PTPRB: variants seen among roughly 807,000 people sequenced by gnomAD.
The protein encoded by PTPRB is protein tyrosine phosphatase receptor type B, also known as receptor-type tyrosine-protein phosphatase beta.
Under a neutral mutation model 238.1 loss-of-function variants are expected in PTPRB, and 97 were observed. The ratio of observed to expected loss-of-function variants is 0.41; its 90% confidence interval spans 0.35 to 0.48. The LOEUF is 0.48. Ranked by LOEUF, PTPRB falls within the 20% of genes least tolerant of loss-of-function variation. The probability of loss-of-function intolerance (pLI) is 0.30; values close to 1 mark genes in which losing one functional copy is unlikely to be tolerated. For synonymous variants in PTPRB, 970 were observed against 995.4 expected, an observed-to-expected ratio of 0.97 and a Z score of 0.48; for missense variants, 2,292 against 2,681.9, an observed-to-expected ratio of 0.85 and a Z score of 3.21.
chr12:70,572,166 T>A, intron 11 of PTPRB, 79 bp from the exon 12 acceptor site: 1 of 1,363,346 alleles, frequency 7.3e-7, no homozygotes, highest in Admixed American at 2.2e-5. Flanking sequence ...GCTGGGACAA[T>A]AAAAAGAGAG....
intron 9 of PTPRB, among the ~76,000 whole-genome samples, chr12:70,582,268 G>A (rs573603148): frequency 1.7e-4 from 26 of 151,906 alleles, no homozygotes; most frequent in African/African-American, 4.8e-4. Context: ...ATACAAAAGC[G>A]TTCATTAAAA....
intron 20 of PTPRB, among the ~76,000 whole-genome samples, chr12:70,553,518 T>A (rs915281045): frequency 1.8e-4 from 28 of 152,206 alleles, no homozygotes; most frequent in Non-Finnish European, 7.3e-5. Flanking sequence ...TTGCTCTGCA[T>A]GTGGATCTGT....
chr12:70,549,467 A>T (rs1245594218), intron 21 of PTPRB, among the ~76,000 whole-genome samples: 1 of 152,196 alleles, frequency 6.6e-6, no homozygotes, highest in African/African-American at 2.4e-5. Flanking sequence ...AATAAAACAT[A>T]TGAATCATAG....
intron 4 of PTPRB, among the ~76,000 whole-genome samples, chr12:70,604,804 G>C (rs1883807787): frequency 6.6e-6 from 1 of 152,154 alleles, no homozygotes; most frequent in African/African-American, 2.4e-5. Context: ...AACAGAAACA[G>C]AGGTACCACT....
intron 2 of PTPRB, among the ~76,000 whole-genome samples, chr12:70,626,516 T>C (rs1289383949): frequency 6.6e-6 from 1 of 151,852 alleles, no homozygotes; most frequent in Non-Finnish European, 1.5e-5. Flanking sequence ...AAATGGATGG[T>C]TGCATCTGTA....
chr12:70,558,517 A>G (rs564762534), intron 18 of PTPRB, among the ~76,000 whole-genome samples: 3 of 152,346 alleles, frequency 2.0e-5, no homozygotes, highest in African/African-American at 7.2e-5. Flanking sequence ...TAAAGTCCCT[A>G]CACTGAATAC....
At chr12:70,557,258 T>C (rs1877828414) in intron 18 of PTPRB, among the ~76,000 whole-genome samples, 1 of 152,210 alleles carries the variant, frequency 6.6e-6, no homozygotes, top group African/African-American at 2.4e-5. Context: ...GAAGCATATT[T>C]GTGAGAAATT....
rs568129992 is a variant in PTPRB, at chr12:70,516,678, A to G, written c.*4811T>C. The G allele has an allele frequency of 2.0e-5, 3 of 152,294 alleles. No homozygotes were observed. The highest frequency in any genetic ancestry group is 4.1e-4 in the South Asian group (2 of 4,826). 9.4% of individuals were successfully genotyped at this position (152,294 alleles called of 1,614,324 possible). A position where few individuals can be genotyped will look rare whatever the true frequency, so the allele number is the denominator to read the frequency against. On this transcript the variant is annotated 3_prime_UTR_variant, in exon 34 of 34. Transcript: ENST00000334414. ...TTATTTATTAAAATAGCTATAACCA[A>G]TTCTTTTTGTGACTGTTCTAGAAGG... is the stretch of plus-strand genomic sequence containing the variant.
In PTPRB at chr12:70,569,847, A is replaced by G; in HGVS notation, c.3462T>C (p.Asp1154=). ...VNWTPGGGDV[D]SYTVSAFRHS... is the part of the protein sequence containing the mutation. ...GCCTGAATGCCGACACCGTGTAGGAATCAACGTCTCCCCCACCAGGAGTCC... is the reference window on the plus strand; with the variant it reads ...GCCTGAATGCCGACACCGTGTAGGAGTCAACGTCTCCCCCACCAGGAGTCC... The change falls in exon 14 of 34, where the codon GAT becomes GAC. Residue 1154 remains aspartate, a synonymous_variant. Coordinates refer to ENST00000334414, the MANE Select transcript of PTPRB (RefSeq NM_001109754.4). 6.2e-7 allele frequency: 1 copy of G among 1,614,018 alleles called. No individual in the cohort carries two copies. Among genetic ancestry groups the G allele is most frequent in the East Asian group, 2.2e-5 (1 of 44,876 alleles).
chr12:70,597,281 C>T (rs1377942656), intron 4 of PTPRB, among the ~76,000 whole-genome samples: 6 of 152,116 alleles, frequency 3.9e-5, no homozygotes, highest in African/African-American at 1.4e-4. Context: ...TGCCAGAGCA[C>T]CCAGAGTAAG....
chr12:70,585,781 T>C, intron 9 of PTPRB, among the ~76,000 whole-genome samples: 1 of 152,064 alleles, frequency 6.6e-6, no homozygotes, highest in Middle Eastern at 3.2e-3. Context: ...TGTCTCCTAA[T>C]GCTATCCCTC....
At chr12:70,561,678 ATAT>A (rs760104045) in intron 16 of PTPRB, among the ~76,000 whole-genome samples, 3 of 152,160 alleles carry the variant, frequency 2.0e-5, no homozygotes, top group Non-Finnish European at 2.9e-5. Flanking sequence ...TGCCCTTGGA[ATAT>A]GTTCCCACGT....
intron 1 of PTPRB, 59 bp downstream of exon 1, chr12:70,637,282 G>C: frequency 6.8e-7 from 1 of 1,474,866 alleles, no homozygotes; most frequent in Non-Finnish European, 9.3e-7. Context: ...TCAAAGACCA[G>C]GGACTCCTTG....
intron 3 of PTPRB, 116 bp from the exon 4 acceptor site, chr12:70,609,455 T>G: frequency 7.4e-7 from 1 of 1,355,486 alleles, no homozygotes; most frequent in East Asian, 2.3e-5. Flanking sequence ...GTCCCTTGCC[T>G]CAGCCAGTCC....
At chr12:70,592,658 A>G in intron 6 of PTPRB, 113 bp from the exon 7 acceptor site, 1 of 1,156,274 alleles carries the variant, frequency 8.6e-7, no homozygotes, top group Non-Finnish European at 1.2e-6. Context: ...GCTCTGGAGA[A>G]AACAAGCACT....
chr12:70,564,308 T>G, intron 15 of PTPRB, among the ~76,000 whole-genome samples: 1 of 149,488 alleles, frequency 6.7e-6, no homozygotes, highest in East Asian at 2.0e-4. Flanking sequence ...GGTCAGGAGT[T>G]CAAGACCAGC....
chr12:70,541,078 T>C (rs1262685599), intron 22 of PTPRB, 121 bp from the exon 23 acceptor site: 2 of 790,782 alleles, frequency 2.5e-6, no homozygotes, highest in Non-Finnish European at 4.0e-6. Context: ...ATTCAAGTGA[T>C]GCCCACGATG....
In PTPRB at chr12:70,571,444, G is replaced by T. The variant is rs550417768; in HGVS notation, c.3107-155C>A. 590 of 759,158 alleles carry T rather than the reference G, an allele frequency of 7.8e-4. 1 individual carries two copies. The highest frequency in any genetic ancestry group is 1.4e-3 in the Admixed American group (46 of 32,216). The allele number at this position is 759,158 out of a possible 1,614,324, so 47.0% of individuals were successfully genotyped here. A position where few individuals can be genotyped will look rare whatever the true frequency, so the allele number is the denominator to read the frequency against. Reference sequence around the variant, plus strand: ...ATGCATAATTAAACAAGAAAAATTGGAAGCAACTATTAACATTGTGGTTTT... The same window carrying T: ...ATGCATAATTAAACAAGAAAAATTGTAAGCAACTATTAACATTGTGGTTTT... On this transcript the variant is annotated intron_variant, in intron 12 of 33. Transcript: ENST00000334414.
chr12:70,532,251 CT>C (rs1030662794), intron 31 of PTPRB, 81 bp from the exon 32 acceptor site: 57 of 1,428,510 alleles, frequency 4.0e-5, no homozygotes, highest in Admixed American at 7.8e-5. Flanking sequence ...CTGGCACAAT[CT>C]TTTTTTTCCC....
Sources: allele counts gnomAD v4.1 joint callset (sites outside exome capture counted in the v4.1 genomes callset), GRCh38; gene constraint gnomAD v4.1.1; transcripts MANE v1.5; gene names NCBI Gene and HGNC (gene_info 2026-07-23, HGNC 2026-07-21).